The following ZNF804B variants were observed in gnomAD, a reference collection of about 807,000 sequenced individuals.
ZNF804B encodes zinc finger 804B.
A neutral mutation model predicts 101.4 loss-of-function variants in ZNF804B; 80 were observed. That is an observed-to-expected ratio of 0.79 (90% CI 0.66 to 0.95). The LOEUF (loss-of-function observed/expected upper bound fraction) is 0.95. ZNF804B is among the 40% of genes least tolerant of loss of function. The pLI, the probability that ZNF804B is intolerant of heterozygous loss-of-function variation, is 0.00. For synonymous variants in ZNF804B, 622 were observed against 558.8 expected (o/e 1.11, Z -1.59); for missense variants, 1,673 against 1,561.9 (o/e 1.07, Z -1.20).
chr7:88,779,460 A>G (rs1173096511), intron 1 of ZNF804B, among the ~76,000 whole-genome samples: 1 of 152,132 alleles, frequency 6.6e-6, no homozygotes, highest in Non-Finnish European at 1.5e-5. Flanking sequence ...TGAAGCTTCC[A>G]TGGTGACTAA....
rs567108215 is a variant in ZNF804B, at chr7:89,198,712, T to A, written c.109-19443T>A. 8.6e-5 allele frequency among the ~76,000 whole-genome samples: 13 copies of A among 151,900 alleles called. No homozygotes were observed. The South Asian group carries it at 2.7e-3, about 31-fold the overall frequency. On this transcript the variant is annotated intron_variant, in intron 1 of 3. Coordinates refer to ENST00000333190, the MANE Select transcript of ZNF804B (RefSeq NM_181646.5). ...CTGCTTTTTTATAAAGTAGTAAGAA[T>A]ACAATAGAAAATATATAAAGCTTTC... is the stretch of plus-strand genomic sequence containing the variant.
intron 2 of ZNF804B, among the ~76,000 whole-genome samples, chr7:89,316,908 C>A (rs945477930): frequency 6.6e-6 from 1 of 152,168 alleles, no homozygotes; most frequent in African/African-American, 2.4e-5. Context: ...ACAAGGAAAA[C>A]CCTCCCACAT....
chr7:89,270,119 C>T (rs894635680), intron 2 of ZNF804B, among the ~76,000 whole-genome samples: 10 of 151,942 alleles, frequency 6.6e-5, no homozygotes, highest in African/African-American at 1.7e-4. Context: ...TTTTGGTGTT[C>T]TAGACATGAA....
At chr7:89,156,091 TTCTTTCTTTCTC>T (rs1790970161) in intron 1 of ZNF804B, among the ~76,000 whole-genome samples, 2 of 94,968 alleles carry the variant, frequency 2.1e-5, no homozygotes, top group South Asian at 6.9e-4. Context: ...TCTCTTTCCT[TTCTTTCTTTCTC>T]TCTTTCTCTC....
At chr7:88,882,208 C>G (rs1792052957) in intron 1 of ZNF804B, among the ~76,000 whole-genome samples, 1 of 151,824 alleles carries the variant, frequency 6.6e-6, no homozygotes, top group Non-Finnish European at 1.5e-5. Context: ...ACATGTATGC[C>G]TAAAGAACAT....
At chr7:88,926,189 C>T (rs757132585) in intron 1 of ZNF804B, among the ~76,000 whole-genome samples, 1 of 152,132 alleles carries the variant, frequency 6.6e-6, no homozygotes, top group Non-Finnish European at 1.5e-5. Flanking sequence ...CCTTTTAATG[C>T]AGGCACATCT....
intron 2 of ZNF804B, among the ~76,000 whole-genome samples, chr7:89,282,567 G>T (rs1790116964): frequency 1.3e-5 from 2 of 152,126 alleles, no homozygotes; most frequent in Admixed American, 1.3e-4. Context: ...TCTTAAACAG[G>T]AGGTCCTAAT....
chr7:89,031,485 A>G (rs1788834159), intron 1 of ZNF804B, among the ~76,000 whole-genome samples: 3 of 152,082 alleles, frequency 2.0e-5, no homozygotes, highest in Admixed American at 1.3e-4. Flanking sequence ...TAGAAGACAA[A>G]TAAAATTTTG....
chr7:89,066,312 T>C (rs1242394449), intron 1 of ZNF804B, among the ~76,000 whole-genome samples: 1 of 152,114 alleles, frequency 6.6e-6, no homozygotes, highest in Non-Finnish European at 1.5e-5. Flanking sequence ...CTCAACATTG[T>C]GCCCTGAAGC....
At chr7:88,856,748 A>G (rs1791565584) in intron 1 of ZNF804B, among the ~76,000 whole-genome samples, 1 of 152,114 alleles carries the variant, frequency 6.6e-6, no homozygotes, top group Admixed American at 6.5e-5. Flanking sequence ...TGGGTTTGTC[A>G]TAGATAGCTC....
At chr7:89,300,634 G>A (rs79834502) in intron 2 of ZNF804B, among the ~76,000 whole-genome samples, 2,896 of 151,950 alleles carry the variant, frequency 0.019, 79 homozygotes, top group African/African-American at 0.066. Context: ...CATAGCTGGA[G>A]AGCATTGGAA....
At chr7:89,231,428 T>A in intron 2 of ZNF804B, among the ~76,000 whole-genome samples, 1 of 152,072 alleles carries the variant, frequency 6.6e-6, no homozygotes, top group East Asian at 1.9e-4. Context: ...GTCATAGCGA[T>A]TCTAAGTCAT....
intron 2 of ZNF804B, among the ~76,000 whole-genome samples, chr7:89,295,077 GGTGGTAGT>G (rs199646995): frequency 0.018 from 2,813 of 152,072 alleles, 74 homozygotes; most frequent in African/African-American, 0.064. Context: ...CTATTCTTTG[GGTGGTAGT>G]TCAATATACC....
chr7:88,807,368 T>C (rs1790707370), intron 1 of ZNF804B, among the ~76,000 whole-genome samples: 1 of 152,230 alleles, frequency 6.6e-6, no homozygotes, highest in African/African-American at 2.4e-5. Context: ...AGGAAGAATT[T>C]TGTATGGGTA....
At chr7:89,100,249 T>A (rs890553767) in intron 1 of ZNF804B, among the ~76,000 whole-genome samples, 3 of 152,144 alleles carry the variant, frequency 2.0e-5, no homozygotes, top group African/African-American at 7.2e-5. Flanking sequence ...CTGGGAAAAC[T>A]GGATATCCAT....
intron 1 of ZNF804B, among the ~76,000 whole-genome samples, chr7:89,190,488 T>C (rs574716125): frequency 2.5e-4 from 38 of 152,242 alleles, no homozygotes; most frequent in African/African-American, 7.5e-4. Flanking sequence ...CTGAAATGAA[T>C]CTACTTCTGG....
intron 1 of ZNF804B, among the ~76,000 whole-genome samples, chr7:88,970,107 T>C (rs1450302954): frequency 6.6e-6 from 1 of 151,522 alleles, no homozygotes; most frequent in African/African-American, 2.4e-5. Context: ...CCATCCACCT[T>C]TCTTCCCCAA....
chr7:89,104,408 T>C (rs1256964647), intron 1 of ZNF804B, among the ~76,000 whole-genome samples: 1 of 151,992 alleles, frequency 6.6e-6, no homozygotes, highest in African/African-American at 2.4e-5. Flanking sequence ...GATTCAATGT[T>C]CTTCTTCATT....
intron 1 of ZNF804B, among the ~76,000 whole-genome samples, chr7:89,029,833 C>A (rs1172246142): frequency 6.6e-6 from 1 of 152,018 alleles, no homozygotes; most frequent in East Asian, 1.9e-4. Flanking sequence ...ATGGGGGCTG[C>A]TGCTTAGGAA....
Sources: allele counts gnomAD v4.1 joint callset (sites outside exome capture counted in the v4.1 genomes callset), GRCh38; gene constraint gnomAD v4.1.1; transcripts MANE v1.5; gene names NCBI Gene and HGNC (gene_info 2026-07-23, HGNC 2026-07-21).